ICE1: variants seen among roughly 807,000 people sequenced by gnomAD.
The protein encoded by ICE1 is little elongation complex subunit 1.
In ICE1, 64 loss-of-function variants were observed where a neutral mutation model predicts 192.7. The ratio of observed to expected loss-of-function variants is 0.33; its 90% CI spans 0.27 to 0.41. The LOEUF (loss-of-function observed/expected upper bound fraction) is 0.41, where lower values mean the gene tolerates loss of function less well. Ranked by LOEUF, ICE1 falls within the 10% of genes least tolerant of loss-of-function variation. The pLI, the probability that ICE1 is intolerant of heterozygous loss-of-function variation, is 1.00. For missense variants in ICE1, 2,708 were observed against 2,696.0 expected, an observed-to-expected ratio of 1.00 and a Z score of -0.10; for synonymous variants, 1,010 against 984.5, an observed-to-expected ratio of 1.03 and a Z score of -0.49.
intron 12 of ICE1, among the ~76,000 whole-genome samples, chr5:5,459,995 C>G (rs1035165509): frequency 3.3e-5 from 5 of 152,100 alleles, no homozygotes; most frequent in African/African-American, 9.7e-5. Flanking sequence ...GTCCCTCCCC[C>G]CCTGCACAAG....
At position 5,463,484 on chromosome 5, in the gene ICE1, CA is replaced by C; in HGVS notation, c.4153del (p.Ser1385ValfsTer14). ...SDSVMEPSIEQSSNCEAETTF... is the reference protein window; with the variant it reads ...SDSVMEPSIEXSSNCEAETTF... ...CTCTGTGATGGAGCCATCCATAGAG[CA>C]AAGTTCTAACTGCGAGGCCGAAACA... On this transcript the variant is annotated frameshift_variant, in exon 13 of 19. Transcript: ENST00000296564. LOFTEE classifies it high-confidence loss of function. 1 of 1,613,052 alleles carries C rather than the reference CA, an allele frequency of 6.2e-7. No homozygotes were observed. Among genetic ancestry groups the C allele is most frequent in the East Asian group, 2.2e-5 (1 of 44,862 alleles).
intron 15 of ICE1, among the ~76,000 whole-genome samples, chr5:5,469,876 G>C (rs1298830090): frequency 6.6e-6 from 1 of 152,060 alleles, no homozygotes; most frequent in Non-Finnish European, 1.5e-5. Context: ...AATTCTAGTT[G>C]GTCATTTTGT....
chr5:5,468,920 T>G lies in ICE1; in HGVS notation c.6154T>G (p.Leu2052Val). The change falls in exon 15 of 19, where the codon TTA becomes GTA. Residue 2052 changes from leucine to valine, a missense_variant. Physicochemically the swap from Leu to Val is conservative, Grantham distance 32 (BLOSUM62 1). Coordinates refer to ENST00000296564, the MANE Select transcript of ICE1 (RefSeq NM_015325.3). ...SQSVINKAMQ[L>V]VARQRAKGEV... is the part of the protein sequence containing the mutation. ...ATCGGTGATTAATAAAGCAATGCAG[T>G]TAGTTGCCAGGCAACGTGCTAAAGG... 7 of 1,607,646 alleles carry G rather than the reference T, an allele frequency of 4.4e-6. No individual in the cohort carries two copies. The highest frequency in any genetic ancestry group is 5.9e-6 in the Non-Finnish European group (7 of 1,177,380).
rs375119399 is a variant in ICE1, at chr5:5,462,939, T to C, written c.3605T>C (p.Leu1202Pro). ...SVSECSSKGT[L>P]SKEMNKELKA... is the part of the protein sequence containing the mutation. Reference sequence around the variant, plus strand: ...TCTGAATGTTCTAGTAAAGGAACCCTAAGTAAAGAAATGAACAAAGAATTA... The same window carrying C: ...TCTGAATGTTCTAGTAAAGGAACCCCAAGTAAAGAAATGAACAAAGAATTA... The change falls in exon 13 of 19, where the codon CTA (leucine) becomes CCA (proline). Residue 1202 changes from leucine to proline, a missense_variant. Transcript: ENST00000296564. 5 of 1,611,254 alleles carry C rather than the reference T, an allele frequency of 3.1e-6. No individual in the cohort carries two copies. Among genetic ancestry groups the C allele is most frequent in the Middle Eastern group, 1.7e-4 (1 of 6,058 alleles).
chr5:5,477,681 CAG>C (rs1561098922), intron 17 of ICE1, among the ~76,000 whole-genome samples: 2 of 152,016 alleles, frequency 1.3e-5, no homozygotes, highest in Non-Finnish European at 2.9e-5. Flanking sequence ...AGAGACAAAA[CAG>C]AAAAAATTTC....
intron 17 of ICE1, among the ~76,000 whole-genome samples, chr5:5,484,912 T>C (rs1398444315): frequency 6.6e-6 from 1 of 152,150 alleles, no homozygotes; most frequent in East Asian, 1.9e-4. Context: ...TTCGCAATTC[T>C]CCTACTTAGG....
In ICE1 at chr5:5,462,601, C is replaced by A; in HGVS notation, c.3267C>A (p.Ser1089Arg). The A allele has an allele frequency of 1.2e-6, 2 of 1,613,930 alleles. No homozygotes were observed. Among genetic ancestry groups the A allele is most frequent in the Non-Finnish European group, 1.7e-6 (2 of 1,179,874 alleles). Reference protein sequence around the residue: ...HGETQDTSQSSLPGTLHCYTG... With the variant: ...HGETQDTSQSRLPGTLHCYTG... ...AGACACAGGATACCTCCCAAAGTAG[C>A]CTGCCTGGTACCTTACATTGTTACA... is the stretch of plus-strand genomic sequence containing the variant. Residue 1089 changes from serine (S) to arginine (R), a missense_variant, in exon 13 of 19, where the codon AGC becomes AGA. Physicochemically the swap from Ser to Arg is moderately radical, Grantham distance 110 (BLOSUM62 -1). This residue lies in a region of ICE1 where 2,366 missense variants were observed against 2,276.6 expected (regional missense o/e 1.04). Coordinates refer to ENST00000296564, the MANE Select transcript of ICE1 (RefSeq NM_015325.3).
chr5:5,435,955 C>T (rs1358537730), intron 1 of ICE1, among the ~76,000 whole-genome samples: 11 of 151,968 alleles, frequency 7.2e-5, no homozygotes, highest in Non-Finnish European at 1.3e-4. Flanking sequence ...CATGAGTCAC[C>T]GCACCCGGCC....
chr5:5,460,035 G>A (rs145084609), intron 12 of ICE1, among the ~76,000 whole-genome samples: 177 of 152,288 alleles, frequency 1.2e-3, no homozygotes, highest in African/African-American at 4.0e-3. Context: ...AGACACACCA[G>A]AGAGAGAGGA....
Position 5,486,787 on chromosome 5 carries a change from T to C in ICE1, c.6587T>C (p.Ile2196Thr). ...GCTGTGAAAAATATTAGTTCGGTTA[T>C]TGGTATGTTTATACAGCATGCTCAC... is the stretch of plus-strand genomic sequence containing the variant. ...PSAVKNISSV[I>T]GMFIQHAHDE... The change falls in exon 18 of 19, where the codon ATT becomes ACT. Residue 2196 changes from isoleucine to threonine, a missense_variant. By Grantham distance (89) the Ile-to-Thr change is moderately conservative (BLOSUM62 -1). Coordinates refer to ENST00000296564, the MANE Select transcript of ICE1 (RefSeq NM_015325.3). 1 of 1,600,508 alleles carries C rather than the reference T, an allele frequency of 6.2e-7. No individual in the cohort carries two copies. Among genetic ancestry groups the C allele is most frequent in the African/African-American group, 1.3e-5 (1 of 74,956 alleles).
Position 5,464,042 on chromosome 5 carries a change from A to T in ICE1, c.4708A>T (p.Thr1570Ser), listed in dbSNP as rs375425182. The change falls in exon 13 of 19, where the codon ACT (threonine) becomes TCT (serine). Residue 1570 changes from threonine (T) to serine (S), a missense_variant. Thr to Ser is a moderately conservative substitution (Grantham distance 58, BLOSUM62 1). Coordinates refer to ENST00000296564, the MANE Select transcript of ICE1 (RefSeq NM_015325.3). The surrounding 1 kb of genome is among the most constrained non-coding windows in gnomAD (Gnocchi z 4.0). ...NKDQSNKPVK[T>S]SASSRVETHQ... ...AGATCAGTCAAACAAACCAGTAAAA[A>T]CTTCAGCGTCGAGCAGAGTTGAAAC... 6.2e-7 allele frequency: 1 copy of T among 1,613,560 alleles called. No individual in the cohort carries two copies. Among genetic ancestry groups the T allele is most frequent in the African/African-American group, 1.3e-5 (1 of 74,976 alleles).
chr5:5,435,657 GTTTTTTTTTTTTTTTGTTTTGTTTTTGT>G (rs1737846750), intron 1 of ICE1, among the ~76,000 whole-genome samples: 1 of 114,296 alleles, frequency 8.7e-6, no homozygotes, highest in African/African-American at 3.4e-5. Flanking sequence ...CCAAATTTGT[GTTTTTTTTTTTTTTTGTTTTGTTTTTGT>G]TTTTTTTTTC....
rs1358698643 is a variant in ICE1, at chr5:5,489,652, T to C, written c.*322T>C. 1 of 188,046 alleles carries C rather than the reference T, an allele frequency of 5.3e-6. No individual in the cohort carries two copies. The highest frequency in any genetic ancestry group is 1.1e-5 in the Non-Finnish European group (1 of 92,442). The allele number at this position is 188,046 out of a possible 1,614,324, so 11.6% of individuals were successfully genotyped here. On this transcript the variant is annotated 3_prime_UTR_variant, in exon 19 of 19. Transcript: ENST00000296564. ...AGAAAGTGTCCTTTTAGTGGCTTCT[T>C]AAAATTGAGTGGCATTTTATAATGA...
intron 1 of ICE1, among the ~76,000 whole-genome samples, chr5:5,435,244 C>T (rs1737834406): frequency 6.6e-6 from 1 of 152,128 alleles, no homozygotes; most frequent in South Asian, 2.1e-4. Flanking sequence ...GGTGAGATTA[C>T]AAGAGAAACT....
chr5:5,444,373 C>G (rs761655246), intron 7 of ICE1, 47 bp downstream of exon 7: 2 of 1,349,432 alleles, frequency 1.5e-6, no homozygotes, highest in African/African-American at 2.9e-5. Context: ...GTACAAAAAT[C>G]ACTGGTAACT....
At chr5:5,475,660 G>A (rs1470826096) in intron 16 of ICE1, among the ~76,000 whole-genome samples, 2 of 152,208 alleles carry the variant, frequency 1.3e-5, no homozygotes, top group Non-Finnish European at 2.9e-5. Flanking sequence ...GAGAGTCCAA[G>A]TGAAAACTCA....
intron 3 of ICE1, 132 bp downstream of exon 3, chr5:5,437,246 C>T: frequency 1.6e-6 from 1 of 634,866 alleles, no homozygotes; most frequent in Non-Finnish European, 2.8e-6. Context: ...GGGAGCATGT[C>T]TCACAAGCAC....
rs1739740964 is a variant in ICE1, at chr5:5,489,762, T to C, written c.*432T>C. On this transcript the variant is annotated 3_prime_UTR_variant, in exon 19 of 19. Transcript: ENST00000296564. ...AATGAGTGACTAGGAAAAAATAAAT[T>C]GGCAAAAACCTAGAGTTTTCTGCTA... is the stretch of plus-strand genomic sequence containing the variant. The C allele has an allele frequency of 6.5e-6, 1 of 153,076 alleles. No homozygotes were observed. The highest frequency in any genetic ancestry group is 2.4e-5 in the African/African-American group (1 of 41,470). The allele number at this position is 153,076 out of a possible 1,614,324, so 9.5% of individuals were successfully genotyped here.
At chr5:5,426,708 A>G (rs1401291385) in intron 1 of ICE1, among the ~76,000 whole-genome samples, 3 of 152,254 alleles carry the variant, frequency 2.0e-5, no homozygotes, top group Non-Finnish European at 2.9e-5. Context: ...GAGGGAATCA[A>G]GAGTTCCAGA....
Sources: allele counts gnomAD v4.1 joint callset (sites outside exome capture counted in the v4.1 genomes callset), GRCh38; gene constraint gnomAD v4.1.1; regional missense constraint gnomAD v4.1.1; non-coding constraint Gnocchi (gnomAD v3.1); transcripts MANE v1.5; gene names NCBI Gene and HGNC (gene_info 2026-07-23, HGNC 2026-07-21).